The following CSMD1 variants were observed in gnomAD, a reference collection of about 807,000 sequenced individuals.
CSMD1 encodes the protein CUB and sushi domain-containing protein 1.
A neutral mutation model predicts 417.5 loss-of-function variants in CSMD1; 213 were observed. The ratio of observed to expected loss-of-function variants is 0.51; its 90% CI spans 0.46 to 0.57. The LOEUF (loss-of-function observed/expected upper bound fraction) is 0.57, where lower values mean the gene tolerates loss of function less well. CSMD1 is among the 20% of genes least tolerant of loss of function. The probability of loss-of-function intolerance (pLI) is 0.00; values close to 1 mark genes in which losing one functional copy is unlikely to be tolerated. For missense variants in CSMD1, 6,923 were observed against 4,529.7 expected (o/e 1.53, Z -15.17); for synonymous variants, 2,862 against 1,736.8 (o/e 1.65, Z -16.11).
At chr8:3,162,328 T>G in intron 37 of CSMD1, 51 bp from the exon 38 acceptor site, 2 of 1,223,730 alleles carry the variant, frequency 1.6e-6, no homozygotes, top group Non-Finnish European at 2.4e-6. Context: ...AACAATATTC[T>G]TATCATTTGA....
At position 4,763,079 on chromosome 8, in the gene CSMD1, T is replaced by C. The variant is rs981218374; in HGVS notation, c.86-125521A>G. Among the ~76,000 whole-genome samples the C allele has an allele frequency of 6.6e-5, 10 of 152,214 alleles. No individual in the cohort carries two copies. The East Asian group carries it at 9.7e-4, about 15-fold the overall frequency. ...CAGCTGTAACATCCAGTGTCAAAAA[T>C]TGTTGAATGGACAGAAAAGATACCA... On this transcript the variant is annotated intron_variant, in intron 1 of 69. Coordinates refer to ENST00000635120, the MANE Select transcript of CSMD1 (RefSeq NM_033225.6).
At chr8:4,152,709 C>T (rs551860635) in intron 3 of CSMD1, among the ~76,000 whole-genome samples, 1 of 151,956 alleles carries the variant, frequency 6.6e-6, no homozygotes, top group South Asian at 2.1e-4. Context: ...AAAAAAAATC[C>T]TTTACATATA....
intron 2 of CSMD1, among the ~76,000 whole-genome samples, chr8:4,481,574 A>G (rs1360811226): frequency 6.6e-6 from 1 of 152,152 alleles, no homozygotes; most frequent in East Asian, 1.9e-4. Context: ...CTAAGCTAAT[A>G]TTTTTCACGT....
chr8:3,480,869 G>T (rs1023261531), intron 11 of CSMD1, among the ~76,000 whole-genome samples: 1 of 151,912 alleles, frequency 6.6e-6, no homozygotes, highest in East Asian at 1.9e-4. Context: ...TTAAGAGTAG[G>T]TGGTAGGCTG....
At chr8:4,285,244 G>C (rs556608545) in intron 3 of CSMD1, among the ~76,000 whole-genome samples, 1 of 152,294 alleles carries the variant, frequency 6.6e-6, no homozygotes, top group South Asian at 2.1e-4. Flanking sequence ...TCATCATACA[G>C]CAGGCCGACT....
chr8:3,755,682 G>C (rs1416917383), intron 5 of CSMD1, among the ~76,000 whole-genome samples: 2 of 152,132 alleles, frequency 1.3e-5, no homozygotes, highest in East Asian at 1.9e-4. Context: ...ACATAGTCAA[G>C]CTTTCTGATG....
intron 5 of CSMD1, among the ~76,000 whole-genome samples, chr8:3,929,109 A>C (rs1238501723): frequency 6.7e-6 from 1 of 150,364 alleles, no homozygotes; most frequent in African/African-American, 2.5e-5. Context: ...GTGAGGAGAG[A>C]TGAAACTCTG....
intron 2 of CSMD1, among the ~76,000 whole-genome samples, chr8:4,477,573 A>G (rs868578470): frequency 4.6e-5 from 7 of 152,200 alleles, no homozygotes; most frequent in African/African-American, 1.4e-4. Context: ...CTTTTTTTAA[A>G]AATTGCGAGT....
intron 3 of CSMD1, among the ~76,000 whole-genome samples, chr8:4,357,895 T>A (rs1584951482): frequency 1.3e-5 from 2 of 152,218 alleles, no homozygotes; most frequent in Non-Finnish European, 2.9e-5. Context: ...GACGTATAAT[T>A]GTAGTATTTA....
chr8:4,361,727 G>A (rs546841786), intron 3 of CSMD1, among the ~76,000 whole-genome samples: 1 of 151,646 alleles, frequency 6.6e-6, no homozygotes, highest in Non-Finnish European at 1.5e-5. Flanking sequence ...AGGCCGAAGT[G>A]GGCGGATCAC....
chr8:4,320,336 A>G (rs1256462730), intron 3 of CSMD1, among the ~76,000 whole-genome samples: 1 of 152,192 alleles, frequency 6.6e-6, no homozygotes, highest in Non-Finnish European at 1.5e-5. Flanking sequence ...TTTTCCTTCC[A>G]CAAGTCATCA....
chr8:3,181,267 C>T lies in CSMD1; in HGVS notation c.5621-53G>A, dbSNP rs548002756. ...TAACACTACAAATACATTCACTTTT[C>T]TAAATATAAAACATATGAGAATACT... On this transcript the variant is annotated intron_variant, in intron 36 of 69. Coordinates refer to ENST00000635120, the MANE Select transcript of CSMD1 (RefSeq NM_033225.6). 1.8e-5 allele frequency: 22 copies of T among 1,228,794 alleles called. No individual in the cohort carries two copies. The South Asian group carries it at 2.9e-4, about 16-fold the overall frequency. 76.1% of individuals were successfully genotyped at this position (1,228,794 alleles called of 1,614,324 possible).
chr8:3,419,282 G>C (rs745478082), intron 12 of CSMD1, among the ~76,000 whole-genome samples: 8 of 152,178 alleles, frequency 5.3e-5, no homozygotes, highest in Non-Finnish European at 8.8e-5. Context: ...GTTGATTCTT[G>C]AGTTCAGGTT....
At chr8:4,120,856 C>G (rs1034673863) in intron 3 of CSMD1, among the ~76,000 whole-genome samples, 1 of 152,104 alleles carries the variant, frequency 6.6e-6, no homozygotes, top group African/African-American at 2.4e-5. Flanking sequence ...TTTAAAATTA[C>G]AGAAACAAAT....
At chr8:4,303,677 A>T (rs1290259639) in intron 3 of CSMD1, among the ~76,000 whole-genome samples, 1 of 151,812 alleles carries the variant, frequency 6.6e-6, no homozygotes, top group East Asian at 1.9e-4. Context: ...TTTTTTTGAG[A>T]TGTAGTCTTG....
intron 3 of CSMD1, among the ~76,000 whole-genome samples, chr8:4,094,500 G>A (rs1800896213): frequency 6.6e-6 from 1 of 152,156 alleles, no homozygotes; most frequent in Non-Finnish European, 1.5e-5. Flanking sequence ...GAGCAACCAC[G>A]CAGGGTGGAG....
chr8:3,630,619 A>T (rs1029303761), intron 7 of CSMD1, among the ~76,000 whole-genome samples: 3 of 152,182 alleles, frequency 2.0e-5, no homozygotes, highest in Admixed American at 1.3e-4. Flanking sequence ...TTGGGCTGGC[A>T]TGCTGAGTGA....
intron 7 of CSMD1, among the ~76,000 whole-genome samples, chr8:3,663,410 G>C (rs960694645): frequency 6.6e-6 from 1 of 152,084 alleles, no homozygotes; most frequent in African/African-American, 2.4e-5. Context: ...TTTAAGACAT[G>C]TGGACAGGAA....
Position 4,787,302 on chromosome 8 carries a change from G to C in CSMD1, c.86-149744C>G, listed in dbSNP as rs1478131709. ...CTAGAGCTCTGCCTCACTTACCGGC[G>C]CGGTCGCAGCCCTCAGCCCACTCAG... On this transcript the variant is annotated intron_variant, in intron 1 of 69. Coordinates refer to ENST00000635120, the MANE Select transcript of CSMD1 (RefSeq NM_033225.6). The C allele has an allele frequency of 5.7e-6, 4 of 695,734 alleles. No individual in the cohort carries two copies. In the South Asian group the frequency reaches 6.2e-5, roughly 11 times the overall value. The allele number at this position is 695,734 out of a possible 1,614,324, so 43.1% of individuals were successfully genotyped here.
Sources: allele counts gnomAD v4.1 joint callset (sites outside exome capture counted in the v4.1 genomes callset), GRCh38; gene constraint gnomAD v4.1.1; transcripts MANE v1.5; gene names NCBI Gene and HGNC (gene_info 2026-07-23, HGNC 2026-07-21).